AMMECR1: variants seen among roughly 807,000 people sequenced by gnomAD.
AMMECR1 encodes AMMECR nuclear protein 1.
A neutral mutation model predicts 22.5 loss-of-function variants in AMMECR1; 3 were observed. The observed-to-expected ratio is 0.13, with a 90% CI of 0.06 to 0.35. The LOEUF (loss-of-function observed/expected upper bound fraction) is 0.35, where lower values mean the gene tolerates loss of function less well. Among genes scored for constraint, AMMECR1 ranks in the 10% least tolerant of loss-of-function variants. AMMECR1 has a pLI of 1.00. For missense variants in AMMECR1, 235 were observed against 278.7 expected, an observed-to-expected ratio of 0.84 and a Z score of 1.12; for synonymous variants, 130 against 116.7, an observed-to-expected ratio of 1.11 and a Z score of -0.74.
At chrX:110,216,674 GA>G in intron 2 of AMMECR1, 42 bp from the exon 3 acceptor site, 1 of 867,212 alleles carries the variant, frequency 1.2e-6, no homozygotes, top group Non-Finnish European at 1.7e-6. Flanking sequence ...CACTGGATAT[GA>G]AAGTTCCCAA....
chrX:110,300,269 C>T (rs1362285673), intron 1 of AMMECR1, among the ~76,000 whole-genome samples: 2 of 112,077 alleles, frequency 1.8e-5, no homozygotes, highest in African/African-American at 6.5e-5. Flanking sequence ...ACTTGCATTT[C>T]CCTGATGATT....
At chrX:110,265,742 G>C (rs907797792) in intron 1 of AMMECR1, among the ~76,000 whole-genome samples, 1 of 111,742 alleles carries the variant, frequency 8.9e-6, no homozygotes, top group African/African-American at 3.3e-5. Context: ...AATTTTAAGG[G>C]GATATACCAT....
chrX:110,379,944 A>C (rs1346300095), intron 2 of AMMECR1, among the ~76,000 whole-genome samples: 12 of 111,959 alleles, frequency 1.1e-4, no homozygotes, highest in Admixed American at 1.0e-3. Flanking sequence ...GGAAGAGATT[A>C]TTATAATCCT....
intron 2 of AMMECR1, among the ~76,000 whole-genome samples, chrX:110,405,087 GTC>G (rs1830228535): frequency 1.3e-5 from 1 of 76,626 alleles, no homozygotes; most frequent in African/African-American, 9.0e-5. Flanking sequence ...TGCTTGTTGT[GTC>G]CCCCCCCCCC....
At chrX:110,289,445 A>G (rs1464917189) in intron 1 of AMMECR1, among the ~76,000 whole-genome samples, 1 of 112,509 alleles carries the variant, frequency 8.9e-6, no homozygotes, top group Non-Finnish European at 1.9e-5. Flanking sequence ...ATCAATGTAT[A>G]TTAAAATTTG....
At chrX:110,328,566 A>G (rs1380057820) in intron 2 of AMMECR1, among the ~76,000 whole-genome samples, 4 of 106,111 alleles carry the variant, frequency 3.8e-5, no homozygotes, top group Non-Finnish European at 7.7e-5. Flanking sequence ...TGCTGCACCC[A>G]TAAACCCATC....
intron 2 of AMMECR1, among the ~76,000 whole-genome samples, chrX:110,225,929 G>T (rs2067530549): frequency 8.9e-6 from 1 of 111,823 alleles, no homozygotes; most frequent in African/African-American, 3.3e-5. Flanking sequence ...TGGACCAAAG[G>T]AGAGCATCAG....
chrX:110,401,843 A>T (rs2068567356), intron 2 of AMMECR1, among the ~76,000 whole-genome samples: 1 of 112,508 alleles, frequency 8.9e-6, no homozygotes, highest in African/African-American at 3.2e-5. Flanking sequence ...ACATGAGATA[A>T]CACACTTACG....
intron 2 of AMMECR1, among the ~76,000 whole-genome samples, chrX:110,261,454 G>T (rs1204843901): frequency 9.0e-6 from 1 of 110,693 alleles, no homozygotes; most frequent in Non-Finnish European, 1.9e-5. Context: ...TGAGTTATGG[G>T]TTTTTAAGGT....
intron 2 of AMMECR1, among the ~76,000 whole-genome samples, chrX:110,389,401 A>T (rs1363512798): frequency 8.9e-6 from 1 of 112,069 alleles, no homozygotes; most frequent in Admixed American, 9.5e-5. Context: ...CTGCACTGGG[A>T]GTCAAAACAT....
chrX:110,409,275 C>G (rs948752404), intron 2 of AMMECR1, among the ~76,000 whole-genome samples: 1 of 110,938 alleles, frequency 9.0e-6, no homozygotes, highest in Admixed American at 9.5e-5. Flanking sequence ...CAGAGTTTGC[C>G]TCAAAGCTAG....
intron 2 of AMMECR1, among the ~76,000 whole-genome samples, chrX:110,235,124 A>C (rs369482078): frequency 1.2e-4 from 13 of 112,349 alleles, no homozygotes; most frequent in African/African-American, 3.6e-4. Flanking sequence ...CAAAGAACTT[A>C]AACAAATTAA....
In AMMECR1 at chrX:110,196,802, A is replaced by T. The variant is rs1459789589; in HGVS notation, c.*1718T>A. 1 of 112,104 alleles carries T rather than the reference A, an allele frequency of 8.9e-6. No homozygotes were observed. Among genetic ancestry groups the T allele is most frequent in the East Asian group, 2.8e-4 (1 of 3,572 alleles). 9.2% of individuals were successfully genotyped at this position (112,104 alleles called of 1,213,427 possible). ...GTGGCAGGCAGAAGGAATTTAGCCC[A>T]TTATCTCACAAACTAGGAAAGGATT... On this transcript the variant is annotated 3_prime_UTR_variant, in exon 6 of 6. Coordinates refer to ENST00000262844, the MANE Select transcript of AMMECR1 (RefSeq NM_015365.3).
chrX:110,282,955 G>A (rs2148208440), intron 1 of AMMECR1, among the ~76,000 whole-genome samples: 1 of 111,796 alleles, frequency 8.9e-6, no homozygotes, highest in Admixed American at 9.5e-5. Context: ...AAGGATATCT[G>A]GCTCTAAAGC....
chrX:110,294,650 G>A (rs1173398647), intron 1 of AMMECR1, among the ~76,000 whole-genome samples: 10 of 111,819 alleles, frequency 8.9e-5, no homozygotes, highest in African/African-American at 3.2e-4. Context: ...CTCAAACCAA[G>A]TCAAAAGAAA....
chrX:110,392,016 A>G (rs1485282584), intron 2 of AMMECR1, among the ~76,000 whole-genome samples: 2 of 112,443 alleles, frequency 1.8e-5, no homozygotes, highest in Non-Finnish European at 3.7e-5. Flanking sequence ...ATATTGAATT[A>G]AGATAAAGTT....
At chrX:110,362,474 A>T (rs963496270) in intron 2 of AMMECR1, among the ~76,000 whole-genome samples, 1 of 112,366 alleles carries the variant, frequency 8.9e-6, no homozygotes, top group Non-Finnish European at 1.9e-5. Flanking sequence ...AACTGCTAGC[A>T]ATAGCTTCTA....
intron 2 of AMMECR1, among the ~76,000 whole-genome samples, chrX:110,238,240 C>T (rs2067611804): frequency 8.9e-6 from 1 of 112,306 alleles, no homozygotes; most frequent in Non-Finnish European, 1.9e-5. Context: ...ATTGAGTATA[C>T]TGGGCTTCCT....
intron 2 of AMMECR1, among the ~76,000 whole-genome samples, chrX:110,233,987 G>A (rs1352471918): frequency 8.9e-6 from 1 of 111,933 alleles, no homozygotes; most frequent in Non-Finnish European, 1.9e-5. Context: ...AGGGCAATCA[G>A]GCAAGAGAAA....
Sources: gnomAD v4.1 joint callset for allele counts (sites outside exome capture counted in the v4.1 genomes callset) on GRCh38, gnomAD v4.1.1 for gene constraint, MANE v1.5 for transcripts, NCBI Gene and HGNC (gene_info 2026-07-23, HGNC 2026-07-21) for gene names.